Variants in TGFBR3 observed in about 807,000 individuals in gnomAD.
TGFBR3 encodes the protein transforming growth factor beta receptor 3.
In TGFBR3, 46 loss-of-function variants were observed where a neutral mutation model predicts 87.9. The ratio of observed to expected loss-of-function variants is 0.52; its 90% CI spans 0.41 to 0.67. The LOEUF is 0.67. Ranked by LOEUF, TGFBR3 falls within the 30% of genes least tolerant of loss-of-function variation. TGFBR3 has a pLI of 0.00. For synonymous variants in TGFBR3, 381 were observed against 391.6 expected, an observed-to-expected ratio of 0.97 and a Z score of 0.32; for missense variants, 866 against 1,041.9, an observed-to-expected ratio of 0.83 and a Z score of 2.32.
At chr1:91,795,863 A>G (rs1675363469) in intron 3 of TGFBR3, among the ~76,000 whole-genome samples, 1 of 152,154 alleles carries the variant, frequency 6.6e-6, no homozygotes. Context: ...ATAATTTCCA[A>G]TGTTGCTGGA....
At chr1:91,849,853 C>T (rs111781194) in intron 2 of TGFBR3, among the ~76,000 whole-genome samples, 2,819 of 151,806 alleles carry the variant, frequency 0.019, 88 homozygotes, top group African/African-American at 0.065. Context: ...GAGGCCGAGG[C>T]GGGCCGATCA....
intron 4 of TGFBR3, among the ~76,000 whole-genome samples, chr1:91,755,901 A>C (rs1325574282): frequency 6.6e-6 from 1 of 152,186 alleles, no homozygotes; most frequent in Non-Finnish European, 1.5e-5. Flanking sequence ...TCATAAATAC[A>C]GATGCAAATT....
intron 16 of TGFBR3, among the ~76,000 whole-genome samples, chr1:91,686,190 C>T (rs1671086163): frequency 1.3e-5 from 2 of 152,154 alleles, no homozygotes; most frequent in South Asian, 4.1e-4. Flanking sequence ...TATGCCCTGC[C>T]CAGGAAGCCT....
chr1:91,850,626 A>G (rs539817052), intron 2 of TGFBR3, among the ~76,000 whole-genome samples: 1 of 152,028 alleles, frequency 6.6e-6, no homozygotes, highest in Non-Finnish European at 1.5e-5. Flanking sequence ...ATAAAAGATC[A>G]CAAAATTAGC....
In TGFBR3 at chr1:91,712,328, G is replaced by A; in HGVS notation, c.2081C>T (p.Pro694Leu). 6.2e-7 allele frequency: 1 copy of A among 1,614,230 alleles called. No individual in the cohort carries two copies. Among genetic ancestry groups the A allele is most frequent in the Non-Finnish European group, 8.5e-7 (1 of 1,180,032 alleles). Residue 694 changes from proline to leucine, a missense_variant, in exon 13 of 17, where the codon CCT becomes CTT. Transcript: ENST00000212355. ...AAAGAGCAGTGAGGTGTTGAAGACA[G>A]GCTTGAAGACAAAGCTGAATCGCTT... ...DKKRFSFVFK[P>L]VFNTSLLFLQ...
intron 10 of TGFBR3, among the ~76,000 whole-genome samples, chr1:91,718,468 C>T (rs886980902): frequency 6.6e-6 from 1 of 151,612 alleles, no homozygotes; most frequent in African/African-American, 2.4e-5. Flanking sequence ...GACACCCCCC[C>T]TCCCACCCCA....
chr1:91,775,344 C>T (rs1432891962), intron 3 of TGFBR3, among the ~76,000 whole-genome samples: 1 of 152,244 alleles, frequency 6.6e-6, no homozygotes, highest in Non-Finnish European at 1.5e-5. Flanking sequence ...ACCACTCTCC[C>T]CCTTGCTAAC....
intron 2 of TGFBR3, among the ~76,000 whole-genome samples, chr1:91,856,001 T>C (rs1233517278): frequency 2.0e-5 from 3 of 152,060 alleles, no homozygotes; most frequent in African/African-American, 7.2e-5. Flanking sequence ...AAGAGCACAG[T>C]CCACCCTCCA....
intron 2 of TGFBR3, among the ~76,000 whole-genome samples, chr1:91,836,126 A>G (rs961442295): frequency 1.3e-5 from 2 of 152,090 alleles, no homozygotes; most frequent in African/African-American, 4.8e-5. Flanking sequence ...GCATGCCTGT[A>G]ATCCCAGCTA....
chr1:91,826,152 C>T (rs1386914681), intron 2 of TGFBR3, among the ~76,000 whole-genome samples: 2 of 152,102 alleles, frequency 1.3e-5, no homozygotes, highest in Non-Finnish European at 2.9e-5. Context: ...AGCAGCTATA[C>T]TCCCAGAGTC....
rs376836706 is a variant in TGFBR3 at position 91,837,851 on chromosome 1, C to T, written c.61+23620G>A. Among the ~76,000 whole-genome samples, 60 of 152,094 alleles carry T rather than the reference C, an allele frequency of 3.9e-4. 1 individual carries two copies. Among genetic ancestry groups the T allele is most frequent in the African/African-American group, 1.4e-3 (58 of 41,492 alleles). On this transcript the variant is annotated intron_variant, in intron 2 of 16. Transcript: ENST00000212355. ...CAGTGAAAGAAATAATTTTACAGGC[C>T]CAAAAAGAAAAGTCCCTGGAGTCCC...
At position 91,876,957 on chromosome 1, in the gene TGFBR3, T is replaced by C. The variant is rs553906168; in HGVS notation, c.-114+8921A>G. Among the ~76,000 whole-genome samples the C allele has an allele frequency of 2.0e-5, 3 of 152,288 alleles. No homozygotes were observed. In the South Asian group the frequency reaches 6.2e-4, roughly 32 times the overall value. ...ATTTTTCTTGGCTTAATTTCACTAT[T>C]TTTTGTGATACATAATTGGAAACAG... On this transcript the variant is annotated intron_variant, in intron 1 of 16. Transcript: ENST00000212355.
In TGFBR3 at chr1:91,729,927, T is replaced by C; in HGVS notation, c.615A>G (p.Ser205=). ...GAAGGTACTCAGCAAGGTAATTGAG[T>C]GAGAGAAAATTCTTCCCTATGTTGC... ...PKCNIGKNFL[S]LNYLAEYLQP... is the part of the protein sequence containing the mutation. Residue 205 remains serine, a synonymous_variant, in exon 6 of 17, where the codon TCA becomes TCG. Transcript: ENST00000212355. 6.2e-7 allele frequency: 1 copy of C among 1,614,084 alleles called. No individual in the cohort carries two copies. Among genetic ancestry groups the C allele is most frequent in the Non-Finnish European group, 8.5e-7 (1 of 1,180,004 alleles).
chr1:91,706,580 C>T (rs1451022390), intron 14 of TGFBR3, among the ~76,000 whole-genome samples: 3 of 152,322 alleles, frequency 2.0e-5, no homozygotes, highest in Non-Finnish European at 4.4e-5. Flanking sequence ...CATGAATTAC[C>T]CACCCCTTGT....
intron 3 of TGFBR3, among the ~76,000 whole-genome samples, chr1:91,760,538 T>G (rs891284305): frequency 2.0e-5 from 3 of 152,230 alleles, no homozygotes; most frequent in African/African-American, 7.2e-5. Flanking sequence ...TTCATATATT[T>G]ATATGTTACC....
chr1:91,854,587 G>C (rs1242945793), intron 2 of TGFBR3, among the ~76,000 whole-genome samples: 1 of 152,120 alleles, frequency 6.6e-6, no homozygotes, highest in African/African-American at 2.4e-5. Context: ...AAATTGTTAA[G>C]AGAGTATATT....
intron 2 of TGFBR3, among the ~76,000 whole-genome samples, chr1:91,823,928 G>A (rs1571546730): frequency 6.6e-6 from 1 of 152,154 alleles, no homozygotes; most frequent in Admixed American, 6.5e-5. Flanking sequence ...CCAGGAGTTT[G>A]GGACCAGCCT....
chr1:91,722,761 C>T (rs1314937941), intron 7 of TGFBR3, among the ~76,000 whole-genome samples: 1 of 152,200 alleles, frequency 6.6e-6, no homozygotes, highest in Non-Finnish European at 1.5e-5. Flanking sequence ...CAGCCTACTG[C>T]TCCTAGGCTA....
At chr1:91,850,080 C>CAAAAAA (rs376631972) in intron 2 of TGFBR3, among the ~76,000 whole-genome samples, 25 of 52,016 alleles carry the variant, frequency 4.8e-4, no homozygotes, top group Non-Finnish European at 4.7e-4. Context: ...GACTCCATCT[C>CAAAAAA]AAAAAAAAAA....
Sources: gnomAD v4.1 joint callset for allele counts (sites outside exome capture counted in the v4.1 genomes callset) on GRCh38, gnomAD v4.1.1 for gene constraint, MANE v1.5 for transcripts, NCBI Gene and HGNC (gene_info 2026-07-23, HGNC 2026-07-21) for gene names.